ATP10B: variants seen among roughly 807,000 people sequenced by gnomAD.
ATP10B encodes the protein ATPase phospholipid transporting 10B (putative).
A neutral mutation model predicts 141.2 loss-of-function variants in ATP10B; 122 were observed. That is an observed-to-expected ratio of 0.86 (90% CI 0.75 to 1.00). The LOEUF (loss-of-function observed/expected upper bound fraction) is 1.00, where lower values mean the gene tolerates loss of function less well. ATP10B is among the 50% of genes least tolerant of loss of function. The pLI, the probability that ATP10B is intolerant of heterozygous loss-of-function variation, is 0.00. For synonymous variants in ATP10B, 685 were observed against 692.0 expected (o/e 0.99, Z 0.16); for missense variants, 1,876 against 1,825.3 (o/e 1.03, Z -0.51).
intron 19 of ATP10B, among the ~76,000 whole-genome samples, chr5:160,605,496 C>G (rs1357613877): frequency 1.3e-5 from 2 of 152,130 alleles, no homozygotes; most frequent in African/African-American, 4.8e-5. Flanking sequence ...CAATATCTGA[C>G]CTCAGAGAAA....
chr5:160,816,424 C>T (rs1468369793), intron 1 of ATP10B, among the ~76,000 whole-genome samples: 1 of 152,072 alleles, frequency 6.6e-6, no homozygotes, highest in Admixed American at 6.6e-5. Flanking sequence ...AATTCCTGGA[C>T]ACATACACCC....
intron 1 of ATP10B, among the ~76,000 whole-genome samples, chr5:160,831,583 G>A (rs1407416465): frequency 6.6e-6 from 1 of 152,016 alleles, no homozygotes; most frequent in Non-Finnish European, 1.5e-5. Context: ...TAACACCTCA[G>A]GCTTCCTTTT....
intron 10 of ATP10B, among the ~76,000 whole-genome samples, chr5:160,637,830 G>A (rs183897873): frequency 2.0e-4 from 31 of 152,320 alleles, no homozygotes; most frequent in African/African-American, 6.5e-4. Flanking sequence ...GCCAAATGCC[G>A]TCATACCTAA....
chr5:160,656,706 T>C (rs1761523149), intron 7 of ATP10B, among the ~76,000 whole-genome samples: 1 of 152,206 alleles, frequency 6.6e-6, no homozygotes, highest in South Asian at 2.1e-4. Context: ...AAGGGTCTTT[T>C]TTTTTTAAAT....
At position 160,589,710 on chromosome 5, in the gene ATP10B, A is replaced by G; in HGVS notation, c.3646-14T>C. 6.3e-7 allele frequency: 1 copy of G among 1,588,516 alleles called. No individual in the cohort carries two copies. The highest frequency in any genetic ancestry group is 1.7e-5 in the Admixed American group (1 of 59,958). ...GCCCTTATAGGCCTGCAGAGGAGGA[A>G]CAGACAGGCATTGTCAGGTATGTCT... On this transcript the variant is annotated splice_polypyrimidine_tract_variant and intron_variant, in intron 23 of 25. Coordinates refer to ENST00000327245, the MANE Select transcript of ATP10B (RefSeq NM_025153.3).
chr5:160,636,496 G>C (rs1421341019), intron 10 of ATP10B, among the ~76,000 whole-genome samples, 187 bp from the exon 11 acceptor site: 1 of 152,066 alleles, frequency 6.6e-6, no homozygotes, highest in Admixed American at 6.5e-5. Context: ...GCTCTAAAGT[G>C]GTTCTTCGTA....
At chr5:160,677,651 G>A (rs911854517) in intron 6 of ATP10B, among the ~76,000 whole-genome samples, 2 of 152,104 alleles carry the variant, frequency 1.3e-5, no homozygotes, top group African/African-American at 4.8e-5. Context: ...CAAGGCTACC[G>A]AACTCTCCTT....
chr5:160,898,215 C>T, the ATP10B span, among the ~76,000 whole-genome samples: 2 of 152,048 alleles, frequency 1.3e-5, no homozygotes, highest in Non-Finnish European at 2.9e-5. Flanking sequence ...GAATAGGAAA[C>T]CTACAGAATG....
chr5:160,665,227 A>G (rs1762255169), intron 7 of ATP10B, among the ~76,000 whole-genome samples: 2 of 152,348 alleles, frequency 1.3e-5, no homozygotes, highest in African/African-American at 4.8e-5. Context: ...AGCCTTGAGG[A>G]TAATCTGCAA....
intron 2 of ATP10B, among the ~76,000 whole-genome samples, chr5:160,783,709 CTT>C (rs1216335771): frequency 7.9e-5 from 12 of 151,576 alleles, no homozygotes; most frequent in Non-Finnish European, 1.2e-4. Flanking sequence ...GTGCAAGTAT[CTT>C]TTTCGTATAA....
At chr5:160,895,411 T>C in the ATP10B span, among the ~76,000 whole-genome samples, 69,149 of 151,896 alleles carry the variant, frequency 0.46, 16,970 homozygotes, top group Non-Finnish European at 0.54. Context: ...TCCCAGTCTC[T>C]GATAAAACAG....
the ATP10B span, among the ~76,000 whole-genome samples, chr5:160,883,407 G>C: frequency 6.6e-6 from 1 of 152,150 alleles, no homozygotes; most frequent in Admixed American, 6.6e-5. Flanking sequence ...AATGGTTTCA[G>C]GGTAGAATAT....
intron 7 of ATP10B, among the ~76,000 whole-genome samples, chr5:160,659,188 G>A (rs1425901644): frequency 3.3e-5 from 5 of 152,110 alleles, no homozygotes; most frequent in African/African-American, 4.8e-5. Context: ...CTTTCAGGCC[G>A]GGCGCAGTGG....
At chr5:160,856,482 G>A (rs1363682086), upstream of ATP10B, among the ~76,000 whole-genome samples, 1 of 151,710 alleles carries the variant, frequency 6.6e-6, no homozygotes, top group Admixed American at 6.6e-5. Flanking sequence ...TTTCTAATAT[G>A]TATGCCTATT....
chr5:160,745,685 G>C (rs1214743676), intron 2 of ATP10B, among the ~76,000 whole-genome samples: 1 of 152,230 alleles, frequency 6.6e-6, no homozygotes, highest in Non-Finnish European at 1.5e-5. Flanking sequence ...CCTGGGTTCA[G>C]ATGCTGGGCT....
At chr5:160,593,697 A>C (rs1756481168) in intron 22 of ATP10B, among the ~76,000 whole-genome samples, 1 of 152,242 alleles carries the variant, frequency 6.6e-6, no homozygotes, top group Non-Finnish European at 1.5e-5. Flanking sequence ...TAGAATAACT[A>C]ATACAGAGAA....
intron 1 of ATP10B, among the ~76,000 whole-genome samples, chr5:160,849,974 A>C (rs1253571934): frequency 6.6e-6 from 1 of 152,224 alleles, no homozygotes; most frequent in African/African-American, 2.4e-5. Flanking sequence ...TGCCTGGCTA[A>C]GTTTTACTTT....
At chr5:160,661,989 T>G (rs554887103) in intron 7 of ATP10B, among the ~76,000 whole-genome samples, 295 of 152,216 alleles carry the variant, frequency 1.9e-3, no homozygotes, top group Non-Finnish European at 3.6e-3. Context: ...TCACAAGCAT[T>G]CTTATACACC....
intron 10 of ATP10B, among the ~76,000 whole-genome samples, chr5:160,637,102 AC>A (rs1349049745): frequency 7.3e-6 from 1 of 136,590 alleles, no homozygotes; most frequent in African/African-American, 2.7e-5. Flanking sequence ...CCATCCATCC[AC>A]CCATCTACTC....
Sources: gnomAD v4.1 joint callset for allele counts (sites outside exome capture counted in the v4.1 genomes callset) on GRCh38, gnomAD v4.1.1 for gene constraint, MANE v1.5 for transcripts, NCBI Gene and HGNC (gene_info 2026-07-23, HGNC 2026-07-21) for gene names.